DTHD1: variants seen among roughly 807,000 people sequenced by gnomAD.
The protein encoded by DTHD1 is death domain-containing protein 1.
Under a neutral mutation model 74.8 loss-of-function variants are expected in DTHD1, and 59 were observed. The observed-to-expected ratio is 0.79, with a 90% CI of 0.64 to 0.98. The LOEUF is 0.98. Ranked by LOEUF, DTHD1 falls within the 50% of genes least tolerant of loss-of-function variation. The pLI, the probability that DTHD1 is intolerant of heterozygous loss-of-function variation, is 0.00. For synonymous variants in DTHD1, 365 were observed against 371.1 expected (o/e 0.98, Z 0.19); for missense variants, 1,051 against 1,065.4 (o/e 0.99, Z 0.19).
rs971700996 is a variant in DTHD1 at position 36,308,451 on chromosome 4, G to T, written c.2053G>T (p.Glu685Ter). ...PSRHFQVREGEQLLLRFTGNI... is the reference protein window; with the variant it reads ...PSRHFQVREG ...TCGTCATTTCCAAGTTCGAGAAGGA[G>T]AACAACTTCTTTTAAGATTTACTGG... Residue 685 changes from glutamate to a stop codon, truncating the protein, a stop_gained, in exon 7 of 10, where the codon GAA becomes TAA. Transcript: ENST00000639862. LOFTEE classifies it high-confidence loss of function. 3.2e-6 allele frequency: 5 copies of T among 1,551,752 alleles called. No individual in the cohort carries two copies. Among genetic ancestry groups the T allele is most frequent in the Non-Finnish European group, 4.4e-6 (5 of 1,146,960 alleles).
chr4:36,308,208 A>G lies in DTHD1; in HGVS notation c.1810A>G (p.Ile604Val), dbSNP rs1294652107. Residue 604 changes from isoleucine to valine, a missense_variant, in exon 7 of 10, where the codon ATT becomes GTT. Ile to Val is a conservative substitution (Grantham distance 29, BLOSUM62 3). Coordinates refer to ENST00000639862, the MANE Select transcript of DTHD1 (RefSeq NM_001170700.3). ...TCACCTCTTTCTTCCATGCAGGTTTATTGTACTTCACCTCTCTTCCACCAT... is the reference window on the plus strand; with the variant it reads ...TCACCTCTTTCTTCCATGCAGGTTTGTTGTACTTCACCTCTCTTCCACCAT... The part of the protein sequence containing the change: ...VELYEHLERF[I>V]VLHLSSTMDN... The G allele has an allele frequency of 1.9e-6, 3 of 1,551,814 alleles. No individual in the cohort carries two copies. The highest frequency in any genetic ancestry group is 3.9e-5 in the Admixed American group (2 of 50,958).
intron 8 of DTHD1, among the ~76,000 whole-genome samples, chr4:36,332,266 T>A (rs1239030167): frequency 6.7e-6 from 1 of 149,354 alleles, no homozygotes; most frequent in African/African-American, 2.4e-5. Context: ...ATAATAATAT[T>A]GCTCTAGTAT....
chr4:36,331,749 CTG>C (rs1321940404), intron 8 of DTHD1, among the ~76,000 whole-genome samples: 1 of 152,086 alleles, frequency 6.6e-6, no homozygotes, highest in Admixed American at 6.6e-5. Flanking sequence ...CTGTCATTGA[CTG>C]TATAAAATTG....
chr4:36,308,562 TA>T, intron 7 of DTHD1, 69 bp downstream of exon 7: 1 of 1,296,586 alleles, frequency 7.7e-7, no homozygotes, highest in Non-Finnish European at 1.0e-6. Context: ...AAGAGTTTGC[TA>T]AACTTGTGTT....
At chr4:36,302,906 G>C (rs953324781) in intron 5 of DTHD1, among the ~76,000 whole-genome samples, 1 of 152,026 alleles carries the variant, frequency 6.6e-6, no homozygotes, top group Non-Finnish European at 1.5e-5. Context: ...AAATATCTAC[G>C]CATCATGAAT....
intron 7 of DTHD1, chr4:36,311,084 C>T (rs1757377184): frequency 6.6e-6 from 1 of 152,232 alleles, no homozygotes; most frequent in Non-Finnish European, 1.5e-5. Context: ...TACTGTTCTA[C>T]TCACAAGCAG....
intron 8 of DTHD1, among the ~76,000 whole-genome samples, chr4:36,328,243 G>A (rs1174015859): frequency 1.3e-5 from 2 of 152,108 alleles, no homozygotes; most frequent in African/African-American, 4.8e-5. Context: ...TCTAAACTCT[G>A]TTCTTATTTT....
At chr4:36,339,929 A>G (rs557393291) in intron 9 of DTHD1, among the ~76,000 whole-genome samples, 1 of 152,362 alleles carries the variant, frequency 6.6e-6, no homozygotes, top group African/African-American at 2.4e-5. Flanking sequence ...AGAGCAGATG[A>G]TATAGAAAAC....
At chr4:36,326,293 A>G (rs1758339222) in intron 8 of DTHD1, among the ~76,000 whole-genome samples, 1 of 149,568 alleles carries the variant, frequency 6.7e-6, no homozygotes, top group East Asian at 1.9e-4. Flanking sequence ...ATATATAAAC[A>G]TATGGTCCAT....
chr4:36,324,917 C>A (rs1291187071), intron 8 of DTHD1, among the ~76,000 whole-genome samples: 2 of 151,886 alleles, frequency 1.3e-5, no homozygotes. Context: ...CTTCAGGGAG[C>A]AAAATGATTG....
intron 3 of DTHD1, among the ~76,000 whole-genome samples, chr4:36,291,733 C>T (rs1037411289): frequency 6.6e-6 from 1 of 152,158 alleles, no homozygotes; most frequent in Non-Finnish European, 1.5e-5. Flanking sequence ...GAGGCTGAGG[C>T]AGGAGAATCG....
chr4:36,284,636 AT>A, intron 2 of DTHD1, 45 bp downstream of exon 2: 1 of 1,359,666 alleles, frequency 7.4e-7, no homozygotes. Flanking sequence ...GCCTACTTAT[AT>A]GTGTGTTTCT....
intron 5 of DTHD1, among the ~76,000 whole-genome samples, chr4:36,297,937 CGTGTGT>C (rs34885963): frequency 6.7e-6 from 1 of 148,918 alleles, no homozygotes; most frequent in African/African-American, 2.5e-5. Context: ...TGTGTGTGCA[CGTGTGT>C]GTGTGTGTGT....
chr4:36,344,773 A>G lies in DTHD1; in HGVS notation c.*949A>G, dbSNP rs536582571. 6.6e-6 allele frequency: 1 copy of G among 152,328 alleles called. No homozygotes were observed. Among genetic ancestry groups the G allele is most frequent in the East Asian group, 1.9e-4 (1 of 5,190 alleles). 9.4% of individuals were successfully genotyped at this position (152,328 alleles called of 1,614,324 possible). ...CTTTGAAATGCCCTTGGCTGAGAGA[A>G]GGGGCTTGTTCAGATAGTTGGGAGA... On this transcript the variant is annotated 3_prime_UTR_variant, in exon 10 of 10. Transcript: ENST00000639862.
intron 6 of DTHD1, among the ~76,000 whole-genome samples, chr4:36,306,834 A>C (rs908551382): frequency 6.6e-6 from 1 of 152,362 alleles, no homozygotes; most frequent in Admixed American, 6.5e-5. Context: ...ATCTAAAAAT[A>C]GCTTTTATTT....
At chr4:36,296,953 A>G (rs956262162) in intron 5 of DTHD1, among the ~76,000 whole-genome samples, 1 of 152,194 alleles carries the variant, frequency 6.6e-6, no homozygotes. Flanking sequence ...CCAATGATAT[A>G]AACAGTCTAT....
rs1578507242 is a variant in DTHD1 at position 36,346,328 on chromosome 4, C to T, written c.*2504C>T. Among the ~76,000 whole-genome samples the T allele has an allele frequency of 6.6e-6, 1 of 151,974 alleles. No homozygotes were observed. The highest frequency in any genetic ancestry group is 2.1e-4 in the South Asian group (1 of 4,812). On this transcript the variant is annotated 3_prime_UTR_variant, in exon 10 of 10. Coordinates refer to ENST00000639862, the MANE Select transcript of DTHD1 (RefSeq NM_001170700.3). The stretch of plus-strand genomic sequence containing the variant: ...CATTAAAACACTCCCTGTCATAACC[C>T]TCCCGTCTTTCTTTCTCTCTCTCAC...
chr4:36,284,149 G>T lies in DTHD1; in HGVS notation c.445G>T (p.Ala149Ser), dbSNP rs187599064. ...IQDTKAADIA[A>S]RGELNVIETA... ...AGATACCAAAGCAGCAGACATTGCT[G>T]CAAGAGGGGAACTAAATGTCATAGA... The change falls in exon 2 of 10, where the codon GCA becomes TCA. Residue 149 changes from alanine (A) to serine (S), a missense_variant. By Grantham distance (99) the Ala-to-Ser change is moderately conservative (BLOSUM62 1). Coordinates refer to ENST00000639862, the MANE Select transcript of DTHD1 (RefSeq NM_001170700.3). The T allele has an allele frequency of 5.9e-6, 9 of 1,537,228 alleles. No homozygotes were observed. The African/African-American group carries it at 1.2e-4, about 21-fold the overall frequency.
intron 7 of DTHD1, among the ~76,000 whole-genome samples, chr4:36,310,821 C>T (rs1485181292): frequency 6.6e-6 from 1 of 151,918 alleles, no homozygotes; most frequent in Non-Finnish European, 1.5e-5. Context: ...GCTGACGGGA[C>T]TTAGTGAGCA....
Sources: allele counts gnomAD v4.1 joint callset (sites outside exome capture counted in the v4.1 genomes callset), GRCh38; gene constraint gnomAD v4.1.1; transcripts MANE v1.5; gene names NCBI Gene and HGNC (gene_info 2026-07-23, HGNC 2026-07-21).